The following POF1B variants were observed in gnomAD, a reference collection of about 807,000 sequenced individuals.
The protein encoded by POF1B is POF1B actin binding protein.
Under a neutral mutation model 55.3 loss-of-function variants are expected in POF1B, and 53 were observed. The observed-to-expected ratio is 0.96, with a 90% confidence interval of 0.77 to 1.20. POF1B has a LOEUF of 1.20. POF1B is among the 50% of genes most tolerant of loss of function. The pLI, the probability that POF1B is intolerant of heterozygous loss-of-function variation, is 0.00. For missense variants in POF1B, 478 were observed against 420.5 expected (o/e 1.14, Z -1.20); for synonymous variants, 188 against 148.3 (o/e 1.27, Z -1.95).
At chrX:85,296,331 G>A (rs769986503) in intron 15 of POF1B, among the ~76,000 whole-genome samples, 2 of 112,245 alleles carry the variant, frequency 1.8e-5, no homozygotes, top group Non-Finnish European at 3.8e-5. Flanking sequence ...TTGTTTCATA[G>A]TGTCTGTGGG....
At chrX:85,363,511 G>A (rs753449314) in intron 3 of POF1B, among the ~76,000 whole-genome samples, 5 of 111,607 alleles carry the variant, frequency 4.5e-5, no homozygotes, top group Non-Finnish European at 9.4e-5. Flanking sequence ...TTACCCAAAA[G>A]TCACTCAAGA....
At chrX:85,339,489 A>C (rs1235879953) in intron 6 of POF1B, among the ~76,000 whole-genome samples, 6 of 111,537 alleles carry the variant, frequency 5.4e-5, no homozygotes, top group African/African-American at 2.0e-4. Flanking sequence ...AATGGAAAGA[A>C]AGATATCAAG....
intron 7 of POF1B, among the ~76,000 whole-genome samples, chrX:85,319,905 C>A (rs1435479334): frequency 9.0e-6 from 1 of 111,137 alleles, no homozygotes; most frequent in Non-Finnish European, 1.9e-5. Flanking sequence ...GAAAGGAGTA[C>A]CTCTTTCTTA....
chrX:85,321,995 T>A (rs765402466), intron 7 of POF1B, among the ~76,000 whole-genome samples: 3,354 of 110,217 alleles, frequency 0.03, 136 homozygotes, highest in African/African-American at 0.11. Flanking sequence ...GAAGAATCAA[T>A]ATCGTGAAAA....
At chrX:85,314,017 T>C (rs1932760071) in intron 9 of POF1B, among the ~76,000 whole-genome samples, 1 of 110,819 alleles carries the variant, frequency 9.0e-6, no homozygotes, top group African/African-American at 3.3e-5. Flanking sequence ...TGGTAGTTTG[T>C]ATTTCTGTGG....
chrX:85,319,488 G>A (rs1932816080), intron 7 of POF1B, among the ~76,000 whole-genome samples: 1 of 111,353 alleles, frequency 9.0e-6, no homozygotes, highest in Non-Finnish European at 1.9e-5. Context: ...CATTTAGTAT[G>A]ATGTTGCCTA....
At chrX:85,375,314 G>T (rs1375323095) in intron 2 of POF1B, among the ~76,000 whole-genome samples, 1 of 111,625 alleles carries the variant, frequency 9.0e-6, no homozygotes, top group Non-Finnish European at 1.9e-5. Context: ...GAATTGTCAA[G>T]AAAATAAACT....
chrX:85,288,200 G>T (rs1337590074), intron 15 of POF1B, among the ~76,000 whole-genome samples: 3 of 111,680 alleles, frequency 2.7e-5, no homozygotes, highest in Non-Finnish European at 5.7e-5. Flanking sequence ...TTGAAAGTCT[G>T]TGATATTTGA....
intron 16 of POF1B, 35 bp downstream of exon 16, chrX:85,282,168 T>C: frequency 1.7e-6 from 2 of 1,168,012 alleles, no homozygotes; most frequent in Non-Finnish European, 2.3e-6. Context: ...ACATATATCG[T>C]CAAAATAGGG....
At chrX:85,337,502 T>C (rs1476543590) in intron 6 of POF1B, among the ~76,000 whole-genome samples, 2 of 111,737 alleles carry the variant, frequency 1.8e-5, no homozygotes, top group Non-Finnish European at 3.8e-5. Context: ...TTGTTAATTT[T>C]GGTGTTCCTG....
intron 7 of POF1B, among the ~76,000 whole-genome samples, chrX:85,316,579 T>C (rs991942510): frequency 9.0e-6 from 1 of 111,189 alleles, no homozygotes; most frequent in African/African-American, 3.3e-5. Context: ...AAAATATATA[T>C]GGTAAACATA....
chrX:85,285,454 T>C (rs1932027777), intron 15 of POF1B, among the ~76,000 whole-genome samples: 1 of 110,861 alleles, frequency 9.0e-6, no homozygotes, highest in Non-Finnish European at 1.9e-5. Context: ...ATATACACCA[T>C]GGAATACTAT....
At chrX:85,288,814 C>G (rs1015489095) in intron 15 of POF1B, among the ~76,000 whole-genome samples, 1 of 111,521 alleles carries the variant, frequency 9.0e-6, no homozygotes, top group African/African-American at 3.3e-5. Flanking sequence ...TGAGGCCTCC[C>G]CAGCTATGTG....
chrX:85,314,340 A>T, intron 9 of POF1B, 92 bp downstream of exon 9: 1 of 668,634 alleles, frequency 1.5e-6, no homozygotes, highest in Non-Finnish European at 2.2e-6. Context: ...TAAGATTTTA[A>T]TTTGGGACTT....
intron 15 of POF1B, among the ~76,000 whole-genome samples, chrX:85,285,128 G>A (rs187075513): frequency 4.8e-4 from 54 of 111,385 alleles, no homozygotes; most frequent in East Asian, 3.7e-3. Flanking sequence ...TTAGAATGGC[G>A]ATCATTAAAA....
chrX:85,362,672 A>G (rs766068996), intron 3 of POF1B, among the ~76,000 whole-genome samples: 70 of 111,586 alleles, frequency 6.3e-4, no homozygotes, highest in African/African-American at 2.1e-3. Context: ...TTTTGCATCA[A>G]TGCTCATCAA....
At chrX:85,285,167 A>C (rs1196070762) in intron 15 of POF1B, among the ~76,000 whole-genome samples, 1 of 111,380 alleles carries the variant, frequency 9.0e-6, no homozygotes, top group Non-Finnish European at 1.9e-5. Context: ...GCTGGAGAGG[A>C]TGTGGAGAAA....
chrX:85,373,639 C>T (rs929021639), intron 2 of POF1B, among the ~76,000 whole-genome samples: 53 of 111,680 alleles, frequency 4.7e-4, no homozygotes, highest in African/African-American at 1.6e-3. Context: ...TCTACCCTCT[C>T]ATGGTTATAA....
At chrX:85,369,569 C>G (rs763670141) in intron 2 of POF1B, among the ~76,000 whole-genome samples, 1 of 111,365 alleles carries the variant, frequency 9.0e-6, no homozygotes, top group African/African-American at 3.3e-5. Context: ...AACAGTATCT[C>G]TTGTATTATG....
Sources: gnomAD v4.1 joint callset for allele counts (sites outside exome capture counted in the v4.1 genomes callset) on GRCh38, gnomAD v4.1.1 for gene constraint, MANE v1.5 for transcripts, NCBI Gene and HGNC (gene_info 2026-07-23, HGNC 2026-07-21) for gene names.